NCAPD2: variants seen among roughly 807,000 people sequenced by gnomAD.
NCAPD2 encodes the protein condensin complex subunit 1.
In NCAPD2, 100 loss-of-function variants were observed where a neutral mutation model predicts 164.5. The observed-to-expected ratio is 0.61, with a 90% CI of 0.52 to 0.72. The LOEUF is 0.72. NCAPD2 is among the 30% of genes least tolerant of loss of function. The pLI is 0.00. For synonymous variants in NCAPD2, 585 were observed against 642.6 expected (o/e 0.91, Z 1.36); for missense variants, 1,560 against 1,749.2 (o/e 0.89, Z 1.93).
chr12:6,517,257 G>A, intron 10 of NCAPD2, 108 bp from the exon 11 acceptor site: 1 of 1,490,460 alleles, frequency 6.7e-7, no homozygotes, highest in African/African-American at 1.4e-5. Context: ...TGTAGAAAGG[G>A]TTTTTAGAGT....
chr12:6,522,791 T>C (rs1565545470), intron 15 of NCAPD2, 37 bp from the exon 16 acceptor site: 2 of 1,602,404 alleles, frequency 1.2e-6, no homozygotes, highest in African/African-American at 2.7e-5. Context: ...GGGAGTTTTG[T>C]GAAGTAGATA....
intron 2 of NCAPD2, among the ~76,000 whole-genome samples, chr12:6,501,331 C>T (rs1177810460): frequency 6.8e-6 from 1 of 147,882 alleles, no homozygotes; most frequent in Admixed American, 7.0e-5. Flanking sequence ...AGCTCCGCCT[C>T]CCAGGGTCAC....
intron 22 of NCAPD2, among the ~76,000 whole-genome samples, chr12:6,527,389 C>T (rs1220718792): frequency 2.6e-5 from 4 of 152,220 alleles, no homozygotes; most frequent in South Asian, 2.1e-4. Context: ...GGCCTGGCCC[C>T]GGATGGGGCC....
chr12:6,506,695 A>T (rs188388854), intron 2 of NCAPD2, among the ~76,000 whole-genome samples: 2,370 of 152,250 alleles, frequency 0.016, 60 homozygotes, highest in African/African-American at 0.055. Context: ...TTAAAAAAAA[A>T]TTAGCCAGAT....
Position 6,528,893 on chromosome 12 carries a change from G to C in NCAPD2, c.3477+37G>C. The C allele has an allele frequency of 1.2e-6, 2 of 1,613,254 alleles. No homozygotes were observed. Among genetic ancestry groups the C allele is most frequent in the Non-Finnish European group, 8.5e-7 (1 of 1,179,222 alleles). On this transcript the variant is annotated intron_variant, in intron 26 of 31. Transcript: ENST00000315579. This position sits in a 1 kb window ranked among gnomAD's most constrained non-coding sequence, Gnocchi z 5.1. ...AGAGGCACTGAGGGCTGGCTGCAGA[G>C]GGAATCTGTAGGTCACCTCATCTCC...
chr12:6,507,717 A>G (rs1231913402), intron 2 of NCAPD2, among the ~76,000 whole-genome samples: 1 of 152,222 alleles, frequency 6.6e-6, no homozygotes, highest in Non-Finnish European at 1.5e-5. Context: ...AAATAGTAAG[A>G]AAGAAAATAA....
intron 6 of NCAPD2, among the ~76,000 whole-genome samples, chr12:6,512,384 AGAG>A (rs1946159520): frequency 6.6e-6 from 1 of 152,152 alleles, no homozygotes; most frequent in Admixed American, 6.5e-5. Flanking sequence ...GCAAAGACCC[AGAG>A]GAGGTGACTG....
chr12:6,511,189 A>AG lies in NCAPD2; in HGVS notation c.525dup (p.Leu176AlafsTer16). On this transcript the variant is annotated frameshift_variant, in exon 6 of 32. Transcript: ENST00000315579. LOFTEE classifies it high-confidence loss of function. The stretch of plus-strand genomic sequence containing the variant: ...CAACCAATTCTTCAGCTTTTAACAC[A>AG]GCTACTTCAGTTGGACATCCGTCAC... 1 of 1,614,240 alleles carries AG rather than the reference A, an allele frequency of 6.2e-7. No individual in the cohort carries two copies. The highest frequency in any genetic ancestry group is 8.5e-7 in the Non-Finnish European group (1 of 1,180,040).
In NCAPD2 at chr12:6,522,910, G is replaced by A. The variant is rs558905248; in HGVS notation, c.2037G>A (p.Leu679=). 14 of 1,614,076 alleles carry A rather than the reference G, an allele frequency of 8.7e-6. No homozygotes were observed. Among genetic ancestry groups the A allele is most frequent in the African/African-American group, 1.3e-5 (1 of 74,920 alleles). The change falls in exon 16 of 32, where the codon CTG becomes CTA. Residue 679 remains leucine, a synonymous_variant. Transcript: ENST00000315579. ...CCCTGTTTGGGGTGCGCCGTATGCT[G>A]CCTCTCATCTGGTCTAAGGAGCCTG... ...PQALFGVRRM[L]PLIWSKEPGV...
At chr12:6,513,715 CTTTT>C (rs71067124) in intron 6 of NCAPD2, among the ~76,000 whole-genome samples, 5,490 of 74,950 alleles carry the variant, frequency 0.073, 618 homozygotes, top group East Asian at 0.16. Flanking sequence ...GTGACTTTGT[CTTTT>C]TTTTTTTTTT....
At position 6,528,177 on chromosome 12, in the gene NCAPD2, A is replaced by C; in HGVS notation, c.3148A>C (p.Thr1050Pro). ...ALGKFCMISA[T>P]FCDSQLRLLF... ...TGATCCTCTTCTTGCTCTTAGTGCC[A>C]CTTTCTGCGACTCCCAGCTTCGTCT... The change falls in exon 25 of 32, where the codon ACT becomes CCT. Residue 1050 changes from threonine (T) to proline (P), a missense_variant. Physicochemically the swap from Thr to Pro is conservative, Grantham distance 38. Coordinates refer to ENST00000315579, the MANE Select transcript of NCAPD2 (RefSeq NM_014865.4). The surrounding 1 kb of genome is among the most constrained non-coding windows in gnomAD (Gnocchi z 5.1). 1.5e-5 allele frequency: 25 copies of C among 1,614,092 alleles called. No individual in the cohort carries two copies. The highest frequency in any genetic ancestry group is 2.0e-5 in the Non-Finnish European group (24 of 1,180,022).
Position 6,510,323 on chromosome 12 carries a change from T to C in NCAPD2, c.262+190T>C, listed in dbSNP as rs778917157. On this transcript the variant is annotated intron_variant, in intron 4 of 31. Transcript: ENST00000315579. ...TGTAATCTTGGTGGGCGATACAGAGTTATGTGTGTTCACTGTAAGGGCAGA... is the reference window on the plus strand; with the variant it reads ...TGTAATCTTGGTGGGCGATACAGAGCTATGTGTGTTCACTGTAAGGGCAGA... 1.1e-5 allele frequency: 9 copies of C among 798,748 alleles called. No homozygotes were observed. The South Asian group carries it at 1.2e-4, about 11-fold the overall frequency. The allele number at this position is 798,748 out of a possible 1,614,324, so 49.5% of individuals were successfully genotyped here. A position where few individuals can be genotyped will look rare whatever the true frequency, so the allele number is the denominator to read the frequency against.
rs1389600451 is a variant in NCAPD2, at chr12:6,531,104, G to A, written c.4120+28G>A. 3.7e-6 allele frequency: 6 copies of A among 1,611,644 alleles called. No homozygotes were observed. Among genetic ancestry groups the A allele is most frequent in the African/African-American group, 2.7e-5 (2 of 74,862 alleles). On this transcript the variant is annotated intron_variant, in intron 31 of 31. Coordinates refer to ENST00000315579, the MANE Select transcript of NCAPD2 (RefSeq NM_014865.4). The surrounding 1 kb of genome is among the most constrained non-coding windows in gnomAD (Gnocchi z 4.1). Reference sequence around the variant, plus strand: ...ATGATGCTCCCGCCTGTTCCCGGCCGAGAAGGCACACAGCTAGGGTGCAGA... The same window carrying A: ...ATGATGCTCCCGCCTGTTCCCGGCCAAGAAGGCACACAGCTAGGGTGCAGA...
At chr12:6,494,366 G>C (rs1215765891) in intron 1 of NCAPD2, among the ~76,000 whole-genome samples, 1 of 39,974 alleles carries the variant, frequency 2.5e-5, no homozygotes. Flanking sequence ...TCGCTTAACA[G>C]ATCCGCAACG....
At chr12:6,523,060 T>C in intron 16 of NCAPD2, 58 bp downstream of exon 16, 1 of 1,586,534 alleles carries the variant, frequency 6.3e-7, no homozygotes. Flanking sequence ...TCACAGGACT[T>C]CCCTTGTCTC....
intron 13 of NCAPD2, among the ~76,000 whole-genome samples, chr12:6,518,529 T>TTTTTTTTTTTTTTTTTTTG: frequency 7.7e-6 from 1 of 130,586 alleles, no homozygotes; most frequent in Non-Finnish European, 1.6e-5. Flanking sequence ...TTTTTTTTTT[T>TTTTTTTTTTTTTTTTTTTG]TTTTTGAGAT....
At position 6,510,803 on chromosome 12, in the gene NCAPD2, G is replaced by C. The variant is rs769874103; in HGVS notation, c.437G>C (p.Gly146Ala). ...ACAAACCTTGTGGACCTGGACCTTG[G>C]TGGGAAGGTAATTTGGAGTTTTGGG... Reference protein sequence around the residue: ...SQTNLVDLDLGGKGKKARTKA... With the variant: ...SQTNLVDLDLAGKGKKARTKA... The change falls in exon 5 of 32, where the codon GGT becomes GCT. Residue 146 changes from glycine (G) to alanine (A), a missense_variant. Transcript: ENST00000315579. 1 of 1,614,006 alleles carries C rather than the reference G, an allele frequency of 6.2e-7. No individual in the cohort carries two copies. Among genetic ancestry groups the C allele is most frequent in the Non-Finnish European group, 8.5e-7 (1 of 1,179,966 alleles).
Position 6,531,503 on chromosome 12 carries a change from CTTT to C in NCAPD2, c.*97_*99del, listed in dbSNP as rs796305141. On this transcript the variant is annotated 3_prime_UTR_variant, in exon 32 of 32. Transcript: ENST00000315579. This position sits in a 1 kb window ranked among gnomAD's most constrained non-coding sequence, Gnocchi z 4.1. ...TCCCTTGTAAAATATTTGTCTGTCTCTTTTTTTTAAAAAAAAAAAAGGCCGGGC... is the reference window on the plus strand; with the variant it reads ...TCCCTTGTAAAATATTTGTCTGTCTCTTTTTAAAAAAAAAAAAGGCCGGGC... The C allele has an allele frequency of 2.8e-3, 3,703 of 1,313,686 alleles. 60 individuals are homozygous for C. In the African/African-American group the frequency reaches 0.051, roughly 18 times the overall value. The allele number at this position is 1,313,686 out of a possible 1,614,324, so 81.4% of individuals were successfully genotyped here. A position where few individuals can be genotyped will look rare whatever the true frequency, so the allele number is the denominator to read the frequency against.
Position 6,504,084 on chromosome 12 carries a change from A to G in NCAPD2, c.128-5633A>G, listed in dbSNP as rs183151549. On this transcript the variant is annotated intron_variant, in intron 2 of 31. Coordinates refer to ENST00000315579, the MANE Select transcript of NCAPD2 (RefSeq NM_014865.4). ...ATGTTGGGGATTATATTTCCAACAC[A>G]TGAATTATGAGGGGCACATTCAAAC... is the stretch of plus-strand genomic sequence containing the variant. 8.9e-4 allele frequency among the ~76,000 whole-genome samples: 135 copies of G among 151,480 alleles called. 1 individual carries two copies. Among genetic ancestry groups the G allele is most frequent in the African/African-American group, 3.0e-3 (125 of 41,338 alleles).
Sources: allele counts gnomAD v4.1 joint callset (sites outside exome capture counted in the v4.1 genomes callset), GRCh38; gene constraint gnomAD v4.1.1; non-coding constraint Gnocchi (gnomAD v3.1); transcripts MANE v1.5; gene names NCBI Gene and HGNC (gene_info 2026-07-23, HGNC 2026-07-21).